RBFOX3: variants seen among roughly 807,000 people sequenced by gnomAD.
RBFOX3 encodes RNA binding protein fox-1 homolog 3.
RBFOX3 carries 17 observed loss-of-function variants against 48.7 expected under a neutral mutation model. The observed-to-expected ratio is 0.35, with a 90% confidence interval of 0.24 to 0.52. The LOEUF (loss-of-function observed/expected upper bound fraction) is 0.52. RBFOX3 is among the 20% of genes least tolerant of loss of function. The probability of loss-of-function intolerance (pLI) is 0.94; values close to 1 mark genes in which losing one functional copy is unlikely to be tolerated. For missense variants in RBFOX3, 382 were observed against 497.5 expected (o/e 0.77, Z 2.21); for synonymous variants, 212 against 209.5 (o/e 1.01, Z -0.10).
At chr17:79,152,771 G>A (rs555779269) in intron 4 of RBFOX3, among the ~76,000 whole-genome samples, 24 of 152,344 alleles carry the variant, frequency 1.6e-4, no homozygotes, top group Middle Eastern at 3.4e-3. Context: ...GGCCAGAGGC[G>A]AAGACAGGGC....
At chr17:79,165,252 G>A (rs1211367362) in intron 4 of RBFOX3, among the ~76,000 whole-genome samples, 2 of 152,184 alleles carry the variant, frequency 1.3e-5, no homozygotes, top group Non-Finnish European at 2.9e-5. Flanking sequence ...CTTCTGAAAG[G>A]GGAGAGAAGA....
intron 2 of RBFOX3, among the ~76,000 whole-genome samples, chr17:79,326,366 G>A (rs774095814): frequency 7.9e-5 from 12 of 152,180 alleles, no homozygotes; most frequent in Admixed American, 3.3e-4. Flanking sequence ...CCAGGATCAC[G>A]CAGAGGGCTG....
intron 4 of RBFOX3, among the ~76,000 whole-genome samples, chr17:79,194,187 T>C (rs1003433549): frequency 6.6e-6 from 1 of 152,164 alleles, no homozygotes; most frequent in Non-Finnish European, 1.5e-5. Flanking sequence ...GTGGTAGAAA[T>C]GGACTTTGCC....
intron 4 of RBFOX3, among the ~76,000 whole-genome samples, chr17:79,118,911 G>A (rs1348090933): frequency 6.6e-6 from 1 of 151,200 alleles, no homozygotes; most frequent in Non-Finnish European, 1.5e-5. Context: ...TGGAGGTTGA[G>A]GCTGCAGTGA....
chr17:79,356,372 T>TGTTTTTGTTTTTG (rs1173214074), intron 2 of RBFOX3, among the ~76,000 whole-genome samples: 6 of 73,988 alleles, frequency 8.1e-5, no homozygotes, highest in Non-Finnish European at 1.7e-4. Context: ...TTTTTTTTTT[T>TGTTTTTGTTTTTG]TTTTTTTTTT....
chr17:79,505,518 T>C (rs200936557), intron 1 of RBFOX3, among the ~76,000 whole-genome samples: 88,817 of 151,982 alleles, frequency 0.58, 26,815 homozygotes, highest in Non-Finnish European at 0.66. Context: ...GCTCCTCTTC[T>C]GTCTCCTTCA....
chr17:79,209,789 C>T (rs375545120), intron 4 of RBFOX3, among the ~76,000 whole-genome samples: 6 of 151,954 alleles, frequency 3.9e-5, no homozygotes, highest in Admixed American at 2.0e-4. Flanking sequence ...GTCAGGGGAT[C>T]GAGACCATCC....
intron 1 of RBFOX3, among the ~76,000 whole-genome samples, chr17:79,594,389 T>C (rs2093510593): frequency 6.6e-6 from 1 of 152,106 alleles, no homozygotes; most frequent in Non-Finnish European, 1.5e-5. Flanking sequence ...ACCCAGGCCA[T>C]AGCAAGGAAA....
chr17:79,155,859 G>A (rs1456925695), intron 4 of RBFOX3, among the ~76,000 whole-genome samples: 1 of 152,192 alleles, frequency 6.6e-6, no homozygotes, highest in Non-Finnish European at 1.5e-5. Context: ...TGGGGGTAGA[G>A]CTGTTCCCAC....
intron 9 of RBFOX3, chr17:79,099,208 C>G (rs973128052): frequency 6.6e-6 from 1 of 152,434 alleles, no homozygotes; most frequent in African/African-American, 2.4e-5. Flanking sequence ...ACTGCAGCCT[C>G]GACCTCCTGG....
intron 4 of RBFOX3, among the ~76,000 whole-genome samples, chr17:79,175,967 G>A (rs374959183): frequency 2.0e-4 from 31 of 152,276 alleles, no homozygotes; most frequent in East Asian, 1.9e-3. Flanking sequence ...AGCCAGTGCC[G>A]GGGAGATGTG....
intron 1 of RBFOX3, among the ~76,000 whole-genome samples, chr17:79,496,583 C>T (rs1398356976): frequency 6.6e-6 from 1 of 152,190 alleles, no homozygotes; most frequent in Non-Finnish European, 1.5e-5. Context: ...CAGGCCCTGG[C>T]GGGGCTTGGC....
chr17:79,296,418 C>T (rs1435684133), intron 3 of RBFOX3, among the ~76,000 whole-genome samples: 3 of 152,098 alleles, frequency 2.0e-5, no homozygotes, highest in Non-Finnish European at 4.4e-5. Flanking sequence ...TGTGTTTTGT[C>T]GCTCTATGGG....
At chr17:79,444,130 C>A (rs1242439040) in intron 2 of RBFOX3, among the ~76,000 whole-genome samples, 1 of 152,112 alleles carries the variant, frequency 6.6e-6, no homozygotes, top group Non-Finnish European at 1.5e-5. Context: ...GGGAAGGATA[C>A]ATTGAGAGGG....
chr17:79,119,251 G>A (rs952902111), intron 4 of RBFOX3, among the ~76,000 whole-genome samples: 2 of 152,212 alleles, frequency 1.3e-5, no homozygotes, highest in East Asian at 1.9e-4. Flanking sequence ...TGGTGGGCAA[G>A]AGGTCCCTAG....
At chr17:79,463,761 C>T (rs2075916247) in intron 2 of RBFOX3, among the ~76,000 whole-genome samples, 1 of 151,618 alleles carries the variant, frequency 6.6e-6, no homozygotes, top group Admixed American at 6.6e-5. Flanking sequence ...ACCTCTACCG[C>T]CATCACCACT....
intron 1 of RBFOX3, among the ~76,000 whole-genome samples, chr17:79,606,703 C>T (rs2093838730): frequency 6.6e-6 from 1 of 152,182 alleles, no homozygotes; most frequent in Non-Finnish European, 1.5e-5. Flanking sequence ...GGTGACTCGT[C>T]TGTCTGTGGG....
intron 2 of RBFOX3, among the ~76,000 whole-genome samples, chr17:79,348,735 C>T (rs1212260385): frequency 6.6e-6 from 1 of 151,884 alleles, no homozygotes; most frequent in African/African-American, 2.4e-5. Context: ...TATGCCCCAC[C>T]ATGCCCGGCT....
At chr17:79,301,375 T>A (rs895431576) in intron 3 of RBFOX3, among the ~76,000 whole-genome samples, 1 of 152,192 alleles carries the variant, frequency 6.6e-6, no homozygotes, top group African/African-American at 2.4e-5. Context: ...GTGATGCAGC[T>A]CCCATAAGCC....
Sources: gnomAD v4.1 joint callset for allele counts (sites outside exome capture counted in the v4.1 genomes callset) on GRCh38, gnomAD v4.1.1 for gene constraint, MANE v1.5 for transcripts, NCBI Gene and HGNC (gene_info 2026-07-23, HGNC 2026-07-21) for gene names.